SLC28A1: variants seen among roughly 807,000 people sequenced by gnomAD.
SLC28A1 encodes the protein solute carrier family 28 member 1.
SLC28A1 carries 64 observed loss-of-function variants against 74.8 expected under a neutral mutation model. The observed-to-expected ratio is 0.86, with a 90% CI of 0.70 to 1.05. SLC28A1 has a LOEUF of 1.05. Ranked by LOEUF, SLC28A1 falls within the 50% of genes least tolerant of loss-of-function variation. The pLI is 0.00. For missense variants in SLC28A1, 828 were observed against 822.8 expected, an observed-to-expected ratio of 1.01 and a Z score of -0.08; for synonymous variants, 359 against 335.0, an observed-to-expected ratio of 1.07 and a Z score of -0.78.
At chr15:84,933,713 G>T (rs1478468490) in intron 13 of SLC28A1, among the ~76,000 whole-genome samples, 1 of 152,130 alleles carries the variant, frequency 6.6e-6, no homozygotes, top group Non-Finnish European at 1.5e-5. Flanking sequence ...GATGGTTCAT[G>T]CCTGTAATCC....
chr15:84,899,422 T>C (rs1966360673), intron 6 of SLC28A1, among the ~76,000 whole-genome samples: 1 of 151,240 alleles, frequency 6.6e-6, no homozygotes, highest in Admixed American at 6.6e-5. Context: ...ATTAAAGAAA[T>C]TTCATGAACC....
At chr15:84,916,942 C>T (rs1969182950) in intron 9 of SLC28A1, among the ~76,000 whole-genome samples, 1 of 146,330 alleles carries the variant, frequency 6.8e-6, no homozygotes, top group African/African-American at 2.5e-5. Flanking sequence ...GCAGGAGAAT[C>T]ACTTGAACCC....
intron 15 of SLC28A1, chr15:84,938,546 T>C (rs1972239871): frequency 1.3e-5 from 2 of 152,130 alleles, no homozygotes; most frequent in African/African-American, 4.8e-5. Flanking sequence ...TTTAATGAAC[T>C]TCATTCCTTC....
At chr15:84,892,162 C>A (rs1296926189) in intron 5 of SLC28A1, among the ~76,000 whole-genome samples, 1 of 151,620 alleles carries the variant, frequency 6.6e-6, no homozygotes, top group African/African-American at 2.4e-5. Context: ...CCAGCCTGGG[C>A]CACACAGCAA....
intron 3 of SLC28A1, among the ~76,000 whole-genome samples, chr15:84,888,084 G>A (rs1359080797): frequency 6.6e-6 from 1 of 152,158 alleles, no homozygotes; most frequent in Non-Finnish European, 1.5e-5. Context: ...CACGTACTGT[G>A]TGCACTATAG....
At chr15:84,905,768 A>T in intron 8 of SLC28A1, 116 bp downstream of exon 8, 1 of 819,290 alleles carries the variant, frequency 1.2e-6, no homozygotes, top group Non-Finnish European at 2.1e-6. Flanking sequence ...TGGGACCTGG[A>T]GGGTGGGGTG....
intron 12 of SLC28A1, among the ~76,000 whole-genome samples, chr15:84,930,771 A>G (rs1162558519): frequency 6.6e-6 from 1 of 151,160 alleles, no homozygotes; most frequent in African/African-American, 2.4e-5. Flanking sequence ...ACACCAGGCT[A>G]ATTTTTGTTT....
intron 4 of SLC28A1, among the ~76,000 whole-genome samples, chr15:84,890,079 C>T (rs1031973427): frequency 5.9e-5 from 9 of 152,092 alleles, no homozygotes; most frequent in African/African-American, 1.4e-4. Flanking sequence ...AAGTGATCCA[C>T]GCTCCTGGGC....
intron 6 of SLC28A1, among the ~76,000 whole-genome samples, chr15:84,901,593 C>T (rs1464266902): frequency 6.6e-6 from 1 of 151,820 alleles, no homozygotes; most frequent in Non-Finnish European, 1.5e-5. Context: ...GCCTAAGTGG[C>T]AAATAAGTAC....
At chr15:84,947,863 C>T (rs2079286250), downstream of SLC28A1, among the ~76,000 whole-genome samples, 1 of 152,144 alleles carries the variant, frequency 6.6e-6, no homozygotes, top group African/African-American at 2.4e-5. Context: ...CAGACCATAG[C>T]AAATAGTAGT....
chr15:84,908,946 C>T lies in SLC28A1; in HGVS notation c.795+151C>T. 4.2e-6 allele frequency: 3 copies of T among 707,262 alleles called. No homozygotes were observed. In the South Asian group the frequency reaches 4.6e-5, roughly 11 times the overall value. 43.8% of individuals were successfully genotyped at this position (707,262 alleles called of 1,614,324 possible). A position where few individuals can be genotyped will look rare whatever the true frequency, so the allele number is the denominator to read the frequency against. Reference sequence around the variant, plus strand: ...ACTGGGAAGTTAGTGAACCTTAAGCCTGGGGCCCGGGAGGAGCCCAGCAAT... The same window carrying T: ...ACTGGGAAGTTAGTGAACCTTAAGCTTGGGGCCCGGGAGGAGCCCAGCAAT... On this transcript the variant is annotated intron_variant, in intron 9 of 18. Transcript: ENST00000394573.
At chr15:84,895,359 A>C (rs1325090981) in intron 6 of SLC28A1, 5 of 1,613,846 alleles carry the variant, frequency 3.1e-6, no homozygotes, top group African/African-American at 1.3e-5. Context: ...AACTGGACTC[A>C]ACAGTTTCCT....
the SLC28A1 span, among the ~76,000 whole-genome samples, chr15:84,960,299 A>G: frequency 8.6e-6 from 1 of 116,920 alleles, no homozygotes; most frequent in Non-Finnish European, 1.6e-5. Context: ...TCTGTCGCCC[A>G]GGCTGGAGTA....
chr15:84,909,582 A>G (rs1386775518), intron 9 of SLC28A1, among the ~76,000 whole-genome samples: 1 of 152,034 alleles, frequency 6.6e-6, no homozygotes, highest in East Asian at 1.9e-4. Flanking sequence ...TTTTTTCCCT[A>G]GTTCATTGTT....
At chr15:84,944,685 C>T in intron 17 of SLC28A1, 21 bp downstream of exon 17, 1 of 1,607,956 alleles carries the variant, frequency 6.2e-7, no homozygotes, top group Non-Finnish European at 8.5e-7. Flanking sequence ...GCCTGGCAGG[C>T]TCAGAAGGTG....
At chr15:84,895,989 C>T (rs1965962246) in intron 6 of SLC28A1, 1 of 946,374 alleles carries the variant, frequency 1.1e-6, no homozygotes, top group Non-Finnish European at 1.3e-6. Context: ...TTTATAAATA[C>T]ATTTACTGTT....
At chr15:84,920,876 C>T in intron 10 of SLC28A1, 113 bp from the exon 11 acceptor site, 1 of 825,944 alleles carries the variant, frequency 1.2e-6, no homozygotes, top group South Asian at 1.3e-5. Context: ...ATGAAGGGGT[C>T]CTACACTGGG....
At chr15:84,924,417 A>G (rs1229598091) in intron 12 of SLC28A1, among the ~76,000 whole-genome samples, 1 of 152,070 alleles carries the variant, frequency 6.6e-6, no homozygotes, top group Non-Finnish European at 1.5e-5. Flanking sequence ...AGAGTAAGTG[A>G]GATGCCCAAA....
intron 12 of SLC28A1, among the ~76,000 whole-genome samples, chr15:84,925,467 G>A (rs939274457): frequency 6.6e-6 from 1 of 152,150 alleles, no homozygotes; most frequent in African/African-American, 2.4e-5. Context: ...GGCCGTGGTG[G>A]TGGGTGCTTG....
Sources: gnomAD v4.1 joint callset for allele counts (sites outside exome capture counted in the v4.1 genomes callset) on GRCh38, gnomAD v4.1.1 for gene constraint, MANE v1.5 for transcripts, NCBI Gene and HGNC (gene_info 2026-07-23, HGNC 2026-07-21) for gene names.